The following GRK3 variants were observed in gnomAD, a reference collection of about 807,000 sequenced individuals.
GRK3 encodes adrenergic, beta, receptor kinase 2.
In GRK3, 54 loss-of-function variants were observed where a neutral mutation model predicts 95.7. The observed-to-expected ratio is 0.56, with a 90% CI of 0.45 to 0.71. GRK3 has a LOEUF of 0.71. Ranked by LOEUF, GRK3 falls within the 30% of genes least tolerant of loss-of-function variation. GRK3 has a pLI of 0.00. For synonymous variants in GRK3, 281 were observed against 290.8 expected (o/e 0.97, Z 0.34); for missense variants, 649 against 851.2 (o/e 0.76, Z 2.96).
intron 1 of GRK3, among the ~76,000 whole-genome samples, chr22:25,577,626 T>A (rs1318906687): frequency 6.6e-6 from 1 of 152,242 alleles, no homozygotes; most frequent in East Asian, 1.9e-4. Context: ...CAGGAGCACA[T>A]TAGTAAATCC....
intron 1 of GRK3, chr22:25,580,927 C>G (rs906175919): frequency 6.6e-6 from 1 of 152,190 alleles, no homozygotes; most frequent in Non-Finnish European, 1.5e-5. Context: ...AGTTCGAGAC[C>G]AGCTTGGGCA....
chr22:25,660,406 C>A (rs1438177697), intron 3 of GRK3, among the ~76,000 whole-genome samples: 1 of 152,106 alleles, frequency 6.6e-6, no homozygotes, highest in East Asian at 1.9e-4. Flanking sequence ...GTTTTATTGT[C>A]TTCTTCAAGA....
At chr22:25,702,019 A>G (rs2085262893) in intron 13 of GRK3, among the ~76,000 whole-genome samples, 1 of 152,006 alleles carries the variant, frequency 6.6e-6, no homozygotes, top group East Asian at 1.9e-4. Context: ...GGCAAAAAGA[A>G]TATTTCCAAT....
intron 2 of GRK3, among the ~76,000 whole-genome samples, chr22:25,623,229 A>G (rs997279538): frequency 6.6e-6 from 1 of 152,214 alleles, no homozygotes; most frequent in Non-Finnish European, 1.5e-5. Context: ...GGTGTGAGCC[A>G]CCATGCCCGG....
chr22:25,606,774 AAATGAAAACCATAGAAGTCTTT>A (rs1359086775), intron 2 of GRK3, among the ~76,000 whole-genome samples: 1 of 152,234 alleles, frequency 6.6e-6, no homozygotes, highest in Non-Finnish European at 1.5e-5. Flanking sequence ...AATGTTTTCA[AAATGAAAACCATAGAAGTCTTT>A]AATTTACTTG....
At chr22:25,687,002 T>C (rs1474309885) in intron 10 of GRK3, among the ~76,000 whole-genome samples, 2 of 152,192 alleles carry the variant, frequency 1.3e-5, no homozygotes, top group East Asian at 3.9e-4. Flanking sequence ...GTATTTTTAA[T>C]AGAGACGGAG....
chr22:25,570,735 C>A (rs1322588792), intron 1 of GRK3, among the ~76,000 whole-genome samples: 1 of 152,166 alleles, frequency 6.6e-6, no homozygotes, highest in Non-Finnish European at 1.5e-5. Context: ...CTCTGCTTCT[C>A]CTGTGTCTTA....
intron 1 of GRK3, among the ~76,000 whole-genome samples, chr22:25,582,870 T>A (rs1314701165): frequency 6.6e-6 from 1 of 152,178 alleles, no homozygotes; most frequent in Non-Finnish European, 1.5e-5. Flanking sequence ...GGAGTACAGA[T>A]ACTCTGGGCT....
At chr22:25,568,627 C>T (rs745376064) in intron 1 of GRK3, among the ~76,000 whole-genome samples, 8 of 152,142 alleles carry the variant, frequency 5.3e-5, no homozygotes, top group East Asian at 1.9e-4. Context: ...GAGCCAGGCA[C>T]GGGGTACTAT....
chr22:25,593,438 C>T (rs534009684), intron 1 of GRK3, among the ~76,000 whole-genome samples: 5 of 151,730 alleles, frequency 3.3e-5, no homozygotes, highest in African/African-American at 7.3e-5. Context: ...TTTTGATTTA[C>T]GTTTCTGTGA....
chr22:25,692,642 T>C (rs982107484), intron 12 of GRK3, among the ~76,000 whole-genome samples: 1 of 152,206 alleles, frequency 6.6e-6, no homozygotes, highest in African/African-American at 2.4e-5. Flanking sequence ...TGTTCCAGGC[T>C]TGCATATGTC....
At chr22:25,657,411 A>G (rs577049036) in intron 3 of GRK3, among the ~76,000 whole-genome samples, 4 of 152,266 alleles carry the variant, frequency 2.6e-5, no homozygotes, top group Non-Finnish European at 4.4e-5. Flanking sequence ...GTCTTTCCAT[A>G]TGAAATGTGT....
At chr22:25,647,230 C>A in intron 3 of GRK3, 2 of 536,218 alleles carry the variant, frequency 3.7e-6, no homozygotes, top group South Asian at 3.0e-5. Flanking sequence ...AGCAGCGACT[C>A]ATGAGAGCAC....
intron 7 of GRK3, among the ~76,000 whole-genome samples, chr22:25,673,639 T>C (rs948558279): frequency 6.6e-6 from 1 of 152,120 alleles, no homozygotes; most frequent in Non-Finnish European, 1.5e-5. Flanking sequence ...TTAAGGTTGT[T>C]TGGGGGAGCC....
chr22:25,611,699 C>G (rs929657600), intron 2 of GRK3, among the ~76,000 whole-genome samples: 1 of 152,094 alleles, frequency 6.6e-6, no homozygotes, highest in Non-Finnish European at 1.5e-5. Flanking sequence ...GTATGATTTA[C>G]AAATGTTTTC....
intron 1 of GRK3, among the ~76,000 whole-genome samples, chr22:25,570,147 T>C (rs1051437945): frequency 1.2e-4 from 18 of 152,334 alleles, no homozygotes; most frequent in South Asian, 4.1e-4. Flanking sequence ...CAGAGACTGA[T>C]AGAGAATTCC....
chr22:25,693,922 AC>A (rs2085186055), intron 12 of GRK3, among the ~76,000 whole-genome samples: 1 of 151,668 alleles, frequency 6.6e-6, no homozygotes, highest in Admixed American at 6.6e-5. Flanking sequence ...CTCCCGAGTA[AC>A]TGGGATTACA....
At chr22:25,707,430 C>T (rs2085308534) in intron 15 of GRK3, among the ~76,000 whole-genome samples, 1 of 152,212 alleles carries the variant, frequency 6.6e-6, no homozygotes, top group Non-Finnish European at 1.5e-5. Flanking sequence ...TGGGCACACA[C>T]TGATGCTACC....
At chr22:25,617,135 A>G (rs1474299844) in intron 2 of GRK3, among the ~76,000 whole-genome samples, 2 of 152,234 alleles carry the variant, frequency 1.3e-5, no homozygotes, top group Non-Finnish European at 2.9e-5. Context: ...AGAAGCACAT[A>G]TTCTTACCTT....
Sources: allele counts gnomAD v4.1 joint callset (sites outside exome capture counted in the v4.1 genomes callset), GRCh38; gene constraint gnomAD v4.1.1; transcripts MANE v1.5; gene names NCBI Gene and HGNC (gene_info 2026-07-23, HGNC 2026-07-21).